NDUFA8: variants seen among roughly 807,000 people sequenced by gnomAD.
The protein encoded by NDUFA8 is NADH dehydrogenase [ubiquinone] 1 alpha subcomplex subunit 8.
Under a neutral mutation model 20.9 loss-of-function variants are expected in NDUFA8, and 16 were observed. The observed-to-expected ratio is 0.77, with a 90% CI of 0.52 to 1.16. The LOEUF (loss-of-function observed/expected upper bound fraction) is 1.16, where lower values mean the gene tolerates loss of function less well. NDUFA8 is among the 50% of genes most tolerant of loss of function. NDUFA8 has a pLI of 0.00. For synonymous variants in NDUFA8, 70 were observed against 76.1 expected (o/e 0.92, Z 0.41); for missense variants, 202 against 216.4 (o/e 0.93, Z 0.42).
In NDUFA8 at chr9:122,146,026, G is replaced by A. The variant is rs75208135; in HGVS notation, c.382-1648C>T. 3.2e-3 allele frequency among the ~76,000 whole-genome samples: 491 copies of A among 152,230 alleles called. 11 individuals carry two copies. The highest frequency in any genetic ancestry group is 0.028 in the Admixed American group (430 of 15,286). On this transcript the variant is annotated intron_variant, in intron 3 of 3. Coordinates refer to ENST00000373768, the MANE Select transcript of NDUFA8 (RefSeq NM_014222.3). Reference sequence around the variant, plus strand: ...TAGCTGGCCATGGTGGCGGGTGCCTGTAATCCCAGCTACTCAAGAGGCTGA... The same window carrying A: ...TAGCTGGCCATGGTGGCGGGTGCCTATAATCCCAGCTACTCAAGAGGCTGA...
At position 122,153,437 on chromosome 9, in the gene NDUFA8, AC is replaced by A. The variant is rs1829035321; in HGVS notation, c.52-1030del. Among the ~76,000 whole-genome samples, 3 of 152,166 alleles carry A rather than the reference AC, an allele frequency of 2.0e-5. No individual in the cohort carries two copies. The South Asian group carries it at 6.2e-4, about 32-fold the overall frequency. The stretch of plus-strand genomic sequence containing the variant: ...ATCTAGTAATAACTAATAATAAAGT[AC>A]TAAAATCTGCAAATTTTTTAAAAAT... On this transcript the variant is annotated intron_variant, in intron 1 of 3. Transcript: ENST00000373768.
At chr9:122,144,472 C>T in intron 3 of NDUFA8, 94 bp from the exon 4 acceptor site, 1 of 1,175,634 alleles carries the variant, frequency 8.5e-7, no homozygotes, top group Non-Finnish European at 1.3e-6. Flanking sequence ...CTCATTGCTC[C>T]CGCTGCTACA....
downstream of NDUFA8, among the ~76,000 whole-genome samples, chr9:122,142,899 GT>G (rs1392003705): frequency 6.6e-6 from 1 of 152,038 alleles, no homozygotes; most frequent in Non-Finnish European, 1.5e-5. Flanking sequence ...ACGTTAGTGG[GT>G]TTTGCCTCAG....
chr9:122,159,557 G>T, intron 1 of NDUFA8, 70 bp downstream of exon 1: 2 of 1,587,808 alleles, frequency 1.3e-6, no homozygotes, highest in East Asian at 2.2e-5. Flanking sequence ...CGGAGCCCAA[G>T]GGGGGCTAGG....
chr9:122,139,379 C>A (rs1016138008), downstream of NDUFA8, among the ~76,000 whole-genome samples: 1 of 152,120 alleles, frequency 6.6e-6, no homozygotes, highest in Admixed American at 6.5e-5. Context: ...ATTATATTAA[C>A]CCTGTTTGGT....
chr9:122,144,003 G>C, downstream of NDUFA8: 1 of 1,269,108 alleles, frequency 7.9e-7, no homozygotes, highest in Non-Finnish European at 1.0e-6. Context: ...AAAAAGCAAG[G>C]GGAAGTCATC....
At chr9:122,140,652 G>C (rs934218385), downstream of NDUFA8, among the ~76,000 whole-genome samples, 2 of 152,174 alleles carry the variant, frequency 1.3e-5, no homozygotes, top group Non-Finnish European at 2.9e-5. Context: ...CTGAGAACAG[G>C]AGAGGTAAGA....
At chr9:122,137,344 T>G in the NDUFA8 span, among the ~76,000 whole-genome samples, 1 of 146,110 alleles carries the variant, frequency 6.8e-6, no homozygotes, top group East Asian at 2.0e-4. Context: ...TGGGTTCAAG[T>G]GATTCTCCTG....
At chr9:122,152,149 C>T (rs1829009408) in intron 2 of NDUFA8, 96 bp downstream of exon 2, 2 of 1,392,610 alleles carry the variant, frequency 1.4e-6, no homozygotes, top group African/African-American at 1.4e-5. Flanking sequence ...AGCCTATGTA[C>T]TTCCTAATAA....
At chr9:122,154,887 A>G (rs1829055287) in intron 1 of NDUFA8, among the ~76,000 whole-genome samples, 1 of 152,224 alleles carries the variant, frequency 6.6e-6, no homozygotes, top group Non-Finnish European at 1.5e-5. Flanking sequence ...AGAAAAGACT[A>G]AAATTTTTAG....
At chr9:122,139,212 A>G (rs980516016), downstream of NDUFA8, among the ~76,000 whole-genome samples, 2 of 152,162 alleles carry the variant, frequency 1.3e-5, no homozygotes, top group Admixed American at 1.3e-4. Context: ...TGCTCCTGCC[A>G]AAAGGTTTGT....
Position 122,148,221 on chromosome 9 carries a change from T to C in NDUFA8, c.272A>G (p.Tyr91Cys). 6.2e-7 allele frequency: 1 copy of C among 1,614,178 alleles called. No homozygotes were observed. Among genetic ancestry groups the C allele is most frequent in the Non-Finnish European group, 8.5e-7 (1 of 1,180,038 alleles). ...PFTEYWTCID[Y>C]TGQQLFRHCR... ...GTGACGAAATAACTGCTGGCCAGTATAATCAATGCAAGTCCAATATTCTGT... is the reference window on the plus strand; with the variant it reads ...GTGACGAAATAACTGCTGGCCAGTACAATCAATGCAAGTCCAATATTCTGT... Residue 91 changes from tyrosine to cysteine, a missense_variant, in exon 3 of 4, where the codon TAT (tyrosine) becomes TGT (cysteine). Physicochemically the swap from Tyr to Cys is radical, Grantham distance 194 (BLOSUM62 -2). Coordinates refer to ENST00000373768, the MANE Select transcript of NDUFA8 (RefSeq NM_014222.3).
intron 1 of NDUFA8, among the ~76,000 whole-genome samples, chr9:122,154,307 A>ATATG (rs141580401): frequency 0.012 from 1,883 of 152,350 alleles, 28 homozygotes; most frequent in Non-Finnish European, 0.018. Context: ...TAGAAAACAG[A>ATATG]TATGAATACA....
chr9:122,155,289 G>C (rs1829061424), intron 1 of NDUFA8, among the ~76,000 whole-genome samples: 1 of 152,198 alleles, frequency 6.6e-6, no homozygotes, highest in Admixed American at 6.5e-5. Flanking sequence ...ATGTTGGTCA[G>C]GCTGGTCTCA....
At chr9:122,137,434 T>C in the NDUFA8 span, among the ~76,000 whole-genome samples, 7 of 151,944 alleles carry the variant, frequency 4.6e-5, no homozygotes, top group Admixed American at 6.6e-5. Flanking sequence ...AGAGATGGGG[T>C]TTCACCATGT....
At chr9:122,138,866 G>GGT in the NDUFA8 span, among the ~76,000 whole-genome samples, 92 of 19,184 alleles carry the variant, frequency 4.8e-3, 2 homozygotes, top group African/African-American at 0.014. Context: ...AAGAAGAGGT[G>GGT]GGGGGGGGGC....
At chr9:122,138,219 G>A in the NDUFA8 span, among the ~76,000 whole-genome samples, 1 of 152,174 alleles carries the variant, frequency 6.6e-6, no homozygotes, top group South Asian at 2.1e-4. Context: ...CTTCCAGAAA[G>A]GGTATGCCTG....
chr9:122,148,908 T>C (rs961187753), intron 2 of NDUFA8, among the ~76,000 whole-genome samples: 3 of 152,230 alleles, frequency 2.0e-5, no homozygotes, highest in Admixed American at 1.3e-4. Flanking sequence ...TAGCATATAA[T>C]TCATTCTGTG....
At chr9:122,155,233 C>T (rs1032789200) in intron 1 of NDUFA8, among the ~76,000 whole-genome samples, 1 of 152,204 alleles carries the variant, frequency 6.6e-6, no homozygotes, top group Non-Finnish European at 1.5e-5. Context: ...GCATGCGCCA[C>T]CACACCCGGC....
Sources: allele counts gnomAD v4.1 joint callset (sites outside exome capture counted in the v4.1 genomes callset), GRCh38; gene constraint gnomAD v4.1.1; transcripts MANE v1.5; gene names NCBI Gene and HGNC (gene_info 2026-07-23, HGNC 2026-07-21).